The following ANK2 variants were observed in gnomAD, a reference collection of about 807,000 sequenced individuals.
ANK2 encodes ankyrin-2.
ANK2 carries 83 observed loss-of-function variants against 360.5 expected under a neutral mutation model. That is an observed-to-expected ratio of 0.23 (90% CI 0.19 to 0.28). The LOEUF (loss-of-function observed/expected upper bound fraction) is 0.28. ANK2 is among the 10% of genes least tolerant of loss of function. ANK2 has a pLI of 1.00. For synonymous variants in ANK2, 1,740 were observed against 1,759.5 expected (o/e 0.99, Z 0.28); for missense variants, 4,201 against 4,795.7 (o/e 0.88, Z 3.66).
At chr4:113,374,572 G>A (rs1404659946) in intron 45 of ANK2, among the ~76,000 whole-genome samples, 1 of 152,196 alleles carries the variant, frequency 6.6e-6, no homozygotes, top group Non-Finnish European at 1.5e-5. Context: ...GTGTTGTGGA[G>A]ATACAGTCAT....
chr4:113,142,238 A>G (rs956621847), intron 1 of ANK2, among the ~76,000 whole-genome samples: 1 of 152,196 alleles, frequency 6.6e-6, no homozygotes, highest in South Asian at 2.1e-4. Flanking sequence ...AATGTTATGT[A>G]TATAGGTTGT....
At chr4:113,091,362 T>G (rs1276098399) in intron 1 of ANK2, among the ~76,000 whole-genome samples, 1 of 152,214 alleles carries the variant, frequency 6.6e-6, no homozygotes, top group Non-Finnish European at 1.5e-5. Flanking sequence ...AACTAAATAG[T>G]AGACCTTTCT....
intron 4 of ANK2, among the ~76,000 whole-genome samples, chr4:113,220,451 C>G (rs1001809417): frequency 3.9e-5 from 6 of 152,146 alleles, no homozygotes; most frequent in African/African-American, 1.4e-4. Context: ...ACTTCTATAG[C>G]TTGGATATTC....
the ANK2 span, among the ~76,000 whole-genome samples, chr4:112,772,207 G>T: frequency 2.6e-5 from 4 of 152,294 alleles, no homozygotes; most frequent in South Asian, 8.3e-4. Context: ...GGCTGGGAAG[G>T]CCTCACAATC....
At chr4:112,733,989 G>T in the ANK2 span, among the ~76,000 whole-genome samples, 2 of 152,196 alleles carry the variant, frequency 1.3e-5, no homozygotes, top group African/African-American at 4.8e-5. Context: ...TGGCCAGGCT[G>T]GTCTCGAACT....
At chr4:113,018,002 A>T (rs746949768) in intron 2 of ANK2, among the ~76,000 whole-genome samples, 5 of 152,256 alleles carry the variant, frequency 3.3e-5, no homozygotes, top group African/African-American at 4.8e-5. Context: ...TACAAAAAAG[A>T]AAGTTCAAAG....
At chr4:112,787,806 TC>T in the ANK2 span, among the ~76,000 whole-genome samples, 10 of 152,302 alleles carry the variant, frequency 6.6e-5, no homozygotes, top group East Asian at 1.2e-3. Context: ...GCATCTCACC[TC>T]CCTGCATTTG....
At chr4:112,748,004 A>G in the ANK2 span, among the ~76,000 whole-genome samples, 2 of 152,210 alleles carry the variant, frequency 1.3e-5, no homozygotes, top group Non-Finnish European at 2.9e-5. Flanking sequence ...ATCCTAGATT[A>G]TAATGTGTTC....
intron 1 of ANK2, among the ~76,000 whole-genome samples, chr4:112,848,051 C>A (rs576330953): frequency 6.6e-6 from 1 of 152,142 alleles, no homozygotes; most frequent in Non-Finnish European, 1.5e-5. Flanking sequence ...CGATTTGGAG[C>A]GAGGCAGACC....
chr4:112,717,778 C>T, the ANK2 span, among the ~76,000 whole-genome samples: 1 of 8,210 alleles, frequency 1.2e-4, no homozygotes, highest in Non-Finnish European at 6.7e-4. Flanking sequence ...TGAATATTTA[C>T]TTTAAAAAAA....
intron 2 of ANK2, among the ~76,000 whole-genome samples, chr4:113,022,807 C>T (rs911422180): frequency 1.3e-5 from 2 of 152,094 alleles, no homozygotes; most frequent in African/African-American, 4.8e-5. Context: ...GTTTTATCAT[C>T]CTGATGGAAG....
intron 2 of ANK2, among the ~76,000 whole-genome samples, chr4:112,962,236 G>A (rs1040569814): frequency 5.9e-5 from 9 of 152,102 alleles, no homozygotes; most frequent in East Asian, 1.9e-4. Flanking sequence ...TATTGTTCCC[G>A]TGTCTATGTC....
At chr4:113,183,122 C>T (rs1193087879) in intron 2 of ANK2, among the ~76,000 whole-genome samples, 2 of 151,672 alleles carry the variant, frequency 1.3e-5, no homozygotes, top group Admixed American at 6.6e-5. Context: ...GTGTGGGTGC[C>T]GTGCTGGGAG....
At chr4:112,966,421 TTTTG>T (rs1221084978) in intron 2 of ANK2, among the ~76,000 whole-genome samples, 8 of 151,850 alleles carry the variant, frequency 5.3e-5, no homozygotes, top group Non-Finnish European at 1.2e-4. Flanking sequence ...ACTGTTAATG[TTTTG>T]TTTTTCTTTC....
intron 24 of ANK2, among the ~76,000 whole-genome samples, chr4:113,315,760 G>T (rs1015055184): frequency 6.6e-6 from 1 of 151,912 alleles, no homozygotes; most frequent in Non-Finnish European, 1.5e-5. Flanking sequence ...TTAGCCAGGC[G>T]TGGTGGCAGG....
chr4:113,173,102 C>A (rs1280956496), intron 1 of ANK2, among the ~76,000 whole-genome samples: 2 of 152,146 alleles, frequency 1.3e-5, no homozygotes, highest in Non-Finnish European at 2.9e-5. Flanking sequence ...TTCAGTCACA[C>A]CTTTCAACTC....
At chr4:113,090,587 C>A (rs1053941853) in intron 1 of ANK2, among the ~76,000 whole-genome samples, 2 of 152,132 alleles carry the variant, frequency 1.3e-5, no homozygotes, top group Admixed American at 1.3e-4. Context: ...AAGTTGCGTT[C>A]TCTACCATGA....
chr4:113,230,205 A>G (rs1358885832), intron 4 of ANK2, among the ~76,000 whole-genome samples: 1 of 151,986 alleles, frequency 6.6e-6, no homozygotes, highest in East Asian at 1.9e-4. Flanking sequence ...TTTTCCTCCA[A>G]CATTTGAAGC....
At chr4:113,332,793 G>A (rs576260514) in intron 28 of ANK2, among the ~76,000 whole-genome samples, 5 of 152,206 alleles carry the variant, frequency 3.3e-5, no homozygotes, top group Admixed American at 3.3e-4. Context: ...TTTATCAAAG[G>A]AGAAGTTCCA....
Sources: gnomAD v4.1 joint callset for allele counts (sites outside exome capture counted in the v4.1 genomes callset) on GRCh38, gnomAD v4.1.1 for gene constraint, MANE v1.5 for transcripts, NCBI Gene and HGNC (gene_info 2026-07-23, HGNC 2026-07-21) for gene names.